AUTS2: variants seen among roughly 807,000 people sequenced by gnomAD.
AUTS2 encodes the protein activator of transcription and developmental regulator AUTS2.
A neutral mutation model predicts 112.4 loss-of-function variants in AUTS2; 17 were observed. That is an observed-to-expected ratio of 0.15 (90% CI 0.10 to 0.23). The LOEUF (loss-of-function observed/expected upper bound fraction) is 0.23, where lower values mean the gene tolerates loss of function less well. Ranked by LOEUF, AUTS2 falls within the 10% of genes least tolerant of loss-of-function variation. The pLI is 1.00. For missense variants in AUTS2, 1,510 were observed against 1,701.6 expected, an observed-to-expected ratio of 0.89 and a Z score of 1.98; for synonymous variants, 751 against 702.7, an observed-to-expected ratio of 1.07 and a Z score of -1.09.
At position 70,765,023 on chromosome 7, in the gene AUTS2, G is replaced by A; in HGVS notation, c.1468+18G>A. ...TTACTCAGGTAGGACGGAGGGGCCTGTGCTCGTGACCCCGACCCCCACCGC... is the reference window on the plus strand; with the variant it reads ...TTACTCAGGTAGGACGGAGGGGCCTATGCTCGTGACCCCGACCCCCACCGC... On this transcript the variant is annotated intron_variant, in intron 8 of 18. Coordinates refer to ENST00000342771, the MANE Select transcript of AUTS2 (RefSeq NM_015570.4). The A allele has an allele frequency of 6.2e-7, 1 of 1,613,306 alleles. No homozygotes were observed. The highest frequency in any genetic ancestry group is 8.5e-7 in the Non-Finnish European group (1 of 1,179,810).
rs1262484778 is a variant in AUTS2, at chr7:69,742,121, T to C, written c.309+142159T>C. ...CCCAGCCTATTTTACCTTTTTTTTT[T>C]TTTTTTTTTGAGGGGGGAGGGCAGA... is the stretch of plus-strand genomic sequence containing the variant. On this transcript the variant is annotated intron_variant, in intron 1 of 18. Coordinates refer to ENST00000342771, the MANE Select transcript of AUTS2 (RefSeq NM_015570.4). 1.3e-5 allele frequency among the ~76,000 whole-genome samples: 2 copies of C among 151,588 alleles called. 1 individual carries two copies. Among genetic ancestry groups the C allele is most frequent in the Non-Finnish European group, 2.9e-5 (2 of 67,874 alleles).
At chr7:69,896,804 AC>A (rs1164705822) in intron 1 of AUTS2, among the ~76,000 whole-genome samples, 1 of 152,152 alleles carries the variant, frequency 6.6e-6, no homozygotes, top group Non-Finnish European at 1.5e-5. Flanking sequence ...GAGATTATGC[AC>A]CCAGCTGCCT....
intron 2 of AUTS2, among the ~76,000 whole-genome samples, chr7:70,048,779 G>A (rs1226666029): frequency 1.3e-5 from 2 of 152,174 alleles, no homozygotes; most frequent in African/African-American, 2.4e-5. Flanking sequence ...ATATCAATGT[G>A]TATTGTTTGT....
intron 5 of AUTS2, among the ~76,000 whole-genome samples, chr7:70,633,478 G>A (rs1317765452): frequency 1.3e-5 from 2 of 152,032 alleles, no homozygotes; most frequent in African/African-American, 2.4e-5. Flanking sequence ...GGGTGTGGTG[G>A]TGGTCATCTG....
chr7:69,870,463 A>ATATATATATATATATATATATATG (rs1291290430), intron 1 of AUTS2, among the ~76,000 whole-genome samples: 16 of 141,502 alleles, frequency 1.1e-4, no homozygotes, highest in Non-Finnish European at 2.3e-4. Context: ...ATATATATAT[A>ATATATATATATATATATATATATG]TATGTATTCA....
chr7:69,682,597 A>G (rs1796851030), intron 1 of AUTS2, among the ~76,000 whole-genome samples: 1 of 152,150 alleles, frequency 6.6e-6, no homozygotes, highest in Non-Finnish European at 1.5e-5. Context: ...TTGTCTCTTT[A>G]TTGATTTACA....
Position 70,692,150 on chromosome 7 carries a change from G to GAGC in AUTS2, c.691-6417_691-6415dup, listed in dbSNP as rs1371692818. ...CCCAAAGTGCTGGGATTACAGACGT[G>GAGC]AGCAACTGCGCCCAGACTGATGACA... On this transcript the variant is annotated intron_variant, in intron 5 of 18. Coordinates refer to ENST00000342771, the MANE Select transcript of AUTS2 (RefSeq NM_015570.4). Among the ~76,000 whole-genome samples the GAGC allele has an allele frequency of 4.6e-5, 7 of 152,172 alleles. No individual in the cohort carries two copies. The East Asian group carries it at 1.3e-3, about 29-fold the overall frequency.
intron 2 of AUTS2, among the ~76,000 whole-genome samples, chr7:70,032,891 A>C (rs1662008178): frequency 6.6e-6 from 1 of 152,166 alleles, no homozygotes; most frequent in African/African-American, 2.4e-5. Flanking sequence ...AGTAAAAAAA[A>C]AAAAAGACAT....
At chr7:70,178,040 C>G (rs183361889) in intron 4 of AUTS2, among the ~76,000 whole-genome samples, 1 of 151,888 alleles carries the variant, frequency 6.6e-6, no homozygotes, top group African/African-American at 2.4e-5. Context: ...CTCAGCCTCC[C>G]GAGTAGCTGG....
intron 5 of AUTS2, among the ~76,000 whole-genome samples, chr7:70,465,165 A>G (rs10950203): frequency 0.14 from 21,342 of 152,174 alleles, 1,529 homozygotes; most frequent in Middle Eastern, 0.17. Flanking sequence ...AAAACACCAG[A>G]AGGACTTGGC....
At chr7:70,497,334 C>T (rs1798597525) in intron 5 of AUTS2, among the ~76,000 whole-genome samples, 1 of 152,100 alleles carries the variant, frequency 6.6e-6, no homozygotes, top group Non-Finnish European at 1.5e-5. Flanking sequence ...ACACACATCA[C>T]GTACACAGTC....
At chr7:70,169,033 T>A (rs1396879112) in intron 4 of AUTS2, among the ~76,000 whole-genome samples, 1 of 152,132 alleles carries the variant, frequency 6.6e-6, no homozygotes, top group Non-Finnish European at 1.5e-5. Flanking sequence ...ATTTTTCAAA[T>A]GTGTTTAGAT....
At chr7:70,348,463 C>T (rs1303859154) in intron 4 of AUTS2, among the ~76,000 whole-genome samples, 1 of 152,194 alleles carries the variant, frequency 6.6e-6, no homozygotes, top group Middle Eastern at 3.2e-3. Context: ...GAGCCACCCC[C>T]ATCACCAGTT....
At chr7:70,249,377 A>G (rs1813093804) in intron 4 of AUTS2, among the ~76,000 whole-genome samples, 1 of 152,172 alleles carries the variant, frequency 6.6e-6, no homozygotes, top group African/African-American at 2.4e-5. Context: ...ACATGTGGCC[A>G]GTGGCTACCA....
At chr7:70,457,157 T>C (rs1472281317) in intron 5 of AUTS2, among the ~76,000 whole-genome samples, 1 of 152,208 alleles carries the variant, frequency 6.6e-6, no homozygotes, top group African/African-American at 2.4e-5. Flanking sequence ...TTACGTTCCC[T>C]TTCTTCCAGG....
At chr7:70,285,854 C>T (rs1788433944) in intron 4 of AUTS2, among the ~76,000 whole-genome samples, 1 of 152,180 alleles carries the variant, frequency 6.6e-6, no homozygotes, top group Admixed American at 6.5e-5. Context: ...GAGATGTGGT[C>T]ACTGTGCCCT....
Position 70,669,603 on chromosome 7 carries a change from G to A in AUTS2, c.691-28966G>A, listed in dbSNP as rs74300632. Among the ~76,000 whole-genome samples the A allele has an allele frequency of 3.9e-5, 6 of 152,176 alleles. No homozygotes were observed. In the East Asian group the frequency reaches 5.8e-4, roughly 15 times the overall value. On this transcript the variant is annotated intron_variant, in intron 5 of 18. Transcript: ENST00000342771. ...CAAGTAGGATTAAAACCCAGGTCTC[G>A]TAAACCTCTCTATTTTGTACATCAT...
At chr7:70,417,372 G>A (rs146419395) in intron 4 of AUTS2, among the ~76,000 whole-genome samples, 6 of 152,318 alleles carry the variant, frequency 3.9e-5, no homozygotes, top group East Asian at 1.9e-4. Context: ...TCAAATTGGC[G>A]CTGTCATAGC....
intron 5 of AUTS2, among the ~76,000 whole-genome samples, chr7:70,644,495 T>C (rs1387862287): frequency 6.6e-6 from 1 of 152,176 alleles, no homozygotes; most frequent in Non-Finnish European, 1.5e-5. Context: ...CTCCACGAAC[T>C]GTCTCCCACA....
Sources: gnomAD v4.1 joint callset for allele counts (sites outside exome capture counted in the v4.1 genomes callset) on GRCh38, gnomAD v4.1.1 for gene constraint, MANE v1.5 for transcripts, NCBI Gene and HGNC (gene_info 2026-07-23, HGNC 2026-07-21) for gene names.